Variants in VPS16 observed in about 807,000 individuals in gnomAD.
VPS16 encodes VPS16 core subunit of CORVET and HOPS complexes, also known as vacuolar protein sorting-associated protein 16 homolog.
Under a neutral mutation model 116.0 loss-of-function variants are expected in VPS16, and 82 were observed. The observed-to-expected ratio is 0.71, with a 90% CI of 0.59 to 0.85. The LOEUF (loss-of-function observed/expected upper bound fraction) is 0.85. Among genes scored for constraint, VPS16 ranks in the 40% least tolerant of loss-of-function variants. VPS16 has a pLI of 0.00. For missense variants in VPS16, 928 were observed against 1,090.6 expected, an observed-to-expected ratio of 0.85 and a Z score of 2.10; for synonymous variants, 406 against 420.7, an observed-to-expected ratio of 0.96 and a Z score of 0.43.
At chr20:2,861,553 C>G in intron 8 of VPS16, 62 bp from the exon 9 acceptor site, 2 of 1,525,678 alleles carry the variant, frequency 1.3e-6, no homozygotes, top group Non-Finnish European at 1.8e-6. Context: ...GGATTATGAG[C>G]AGCCATGTGG....
intron 1 of VPS16, among the ~76,000 whole-genome samples, chr20:2,844,142 G>A (rs1369292336): frequency 1.3e-5 from 2 of 152,154 alleles, no homozygotes; most frequent in Admixed American, 6.5e-5. Flanking sequence ...TTGGGGGCGG[G>A]CAGGTTAACA....
chr20:2,860,972 G>A lies in VPS16; in HGVS notation c.633G>A (p.Thr211=), dbSNP rs369717437. Residue 211 remains threonine (T), a splice_region_variant and synonymous_variant, in exon 7 of 24, where the codon ACG becomes ACA. Coordinates refer to ENST00000380445, the MANE Select transcript of VPS16 (RefSeq NM_022575.4). This position sits in a 1 kb window ranked among gnomAD's most constrained non-coding sequence, Gnocchi z 6.1. ...CCCCTACCCTGGCTCTGCCTCAGAC[G>A]CCCCCTGGCCTGGCCCCAGGAGTAA... ...LLDHAACSAV[T]PPGLAPGVSS... The A allele has an allele frequency of 1.7e-4, 276 of 1,613,994 alleles. No homozygotes were observed. The highest frequency in any genetic ancestry group is 2.2e-4 in the Non-Finnish European group (263 of 1,180,040).
intron 1 of VPS16, among the ~76,000 whole-genome samples, chr20:2,853,537 A>G (rs2089142346): frequency 6.6e-6 from 1 of 152,192 alleles, no homozygotes; most frequent in Admixed American, 6.5e-5. Flanking sequence ...TGCTATTTCC[A>G]CTGCATCTGC....
intron 11 of VPS16, 35 bp downstream of exon 11, chr20:2,862,165 G>A (rs941521248): frequency 1.2e-6 from 2 of 1,601,022 alleles, no homozygotes; most frequent in Admixed American, 1.7e-5. Flanking sequence ...GTCCCAGAAT[G>A]GTTCCTCCTG....
At chr20:2,846,540 A>G (rs1027307902) in intron 1 of VPS16, among the ~76,000 whole-genome samples, 2 of 152,214 alleles carry the variant, frequency 1.3e-5, no homozygotes, top group Non-Finnish European at 2.9e-5. Flanking sequence ...CCCAGCAACA[A>G]TGCCCAGGAG....
chr20:2,856,035 C>T (rs1440796499), intron 1 of VPS16, among the ~76,000 whole-genome samples: 6 of 152,204 alleles, frequency 3.9e-5, no homozygotes, highest in Non-Finnish European at 8.8e-5. Flanking sequence ...TAGCTTTTGT[C>T]CTGTCTTGGC....
intron 11 of VPS16, 63 bp downstream of exon 11, chr20:2,862,193 G>A: frequency 6.4e-7 from 1 of 1,555,214 alleles, no homozygotes; most frequent in African/African-American, 1.4e-5. Flanking sequence ...GTGGGCATGT[G>A]TGAGCATAGC....
At position 2,864,394 on chromosome 20, in the gene VPS16, G is replaced by A. The variant is rs2089290725; in HGVS notation, c.1750G>A (p.Glu584Lys). The change falls in exon 18 of 24, where the codon GAG (glutamate) becomes AAG (lysine). Residue 584 changes from glutamate (E) to lysine (K), a missense_variant. Glu to Lys is a moderately conservative substitution (Grantham distance 56). Transcript: ENST00000380445. This position sits in a 1 kb window ranked among gnomAD's most constrained non-coding sequence, Gnocchi z 5.2. Reference protein sequence around the residue: ...VFTVLLHLKNELNRGDFFMTL... With the variant: ...VFTVLLHLKNKLNRGDFFMTL... ...CACGGTGTTGCTGCACCTGAAGAAC[G>A]AGCTGAACCGAGGAGATTTTTTCAT... 3 of 1,614,164 alleles carry A rather than the reference G, an allele frequency of 1.9e-6. No homozygotes were observed. The highest frequency in any genetic ancestry group is 2.2e-5 in the South Asian group (2 of 91,070).
chr20:2,857,486 A>C, intron 1 of VPS16, among the ~76,000 whole-genome samples: 1 of 150,098 alleles, frequency 6.7e-6, no homozygotes, highest in East Asian at 1.9e-4. Context: ...AATTATTAGG[A>C]TCTCTTAAAA....
At chr20:2,858,242 A>G (rs2089194259) in intron 1 of VPS16, among the ~76,000 whole-genome samples, 1 of 151,962 alleles carries the variant, frequency 6.6e-6, no homozygotes, top group Non-Finnish European at 1.5e-5. Flanking sequence ...TGCTACTTGT[A>G]ACTACAGGCA....
intron 11 of VPS16, 200 bp from the exon 12 acceptor site, chr20:2,862,379 C>A (rs955751727): frequency 1.7e-6 from 2 of 1,202,244 alleles, no homozygotes; most frequent in African/African-American, 3.1e-5. Flanking sequence ...TCTCAAGGCC[C>A]CCCTAAAGGC....
chr20:2,855,232 A>G (rs2089161736), intron 1 of VPS16, among the ~76,000 whole-genome samples: 1 of 151,718 alleles, frequency 6.6e-6, no homozygotes, highest in African/African-American at 2.4e-5. Flanking sequence ...TGCTGGGATT[A>G]CAGGCATGAA....
intron 1 of VPS16, among the ~76,000 whole-genome samples, chr20:2,845,007 GGTGTGTGTGTGTGTGT>G (rs375923174): frequency 2.1e-5 from 3 of 144,014 alleles, no homozygotes; most frequent in Non-Finnish European, 3.0e-5. Context: ...ATTTGCAAGG[GGTGTGTGTGTGTGTGT>G]GTGTGTGTGT....
At position 2,859,705 on chromosome 20, in the gene VPS16, C is replaced by A; in HGVS notation, c.54-14C>A. On this transcript the variant is annotated splice_polypyrimidine_tract_variant and intron_variant, in intron 1 of 23. Transcript: ENST00000380445. ...GGTAATGAGGCTAATTTCTGCTCAT[C>A]TCTGTGTGGGCAGGAAATATGAGCT... 6.2e-7 allele frequency: 1 copy of A among 1,612,956 alleles called. No individual in the cohort carries two copies. Among genetic ancestry groups the A allele is most frequent in the Non-Finnish European group, 8.5e-7 (1 of 1,179,456 alleles).
At chr20:2,847,779 G>A (rs1459654499) in intron 1 of VPS16, among the ~76,000 whole-genome samples, 2 of 151,480 alleles carry the variant, frequency 1.3e-5, no homozygotes, top group South Asian at 2.1e-4. Flanking sequence ...ACCCAGCCCC[G>A]CCCCCTCTCT....
At chr20:2,855,844 A>G (rs879096530) in intron 1 of VPS16, among the ~76,000 whole-genome samples, 4 of 152,374 alleles carry the variant, frequency 2.6e-5, no homozygotes, top group South Asian at 2.1e-4. Context: ...CTTGCTCTGA[A>G]TTAGGCTTTG....
chr20:2,842,468 A>T (rs1010210526), intron 1 of VPS16, among the ~76,000 whole-genome samples: 2 of 152,114 alleles, frequency 1.3e-5, no homozygotes, highest in South Asian at 2.1e-4. Context: ...TTAGCCAGGC[A>T]TAATGGCAGG....
chr20:2,843,062 A>G (rs1055297144), intron 1 of VPS16, among the ~76,000 whole-genome samples: 3 of 152,186 alleles, frequency 2.0e-5, no homozygotes, highest in Non-Finnish European at 4.4e-5. Flanking sequence ...TATACTTCCT[A>G]GATGGACAAG....
Position 2,866,447 on chromosome 20 carries a change from C to T in VPS16, c.2393C>T (p.Ala798Val), listed in dbSNP as rs755997321. 1.2e-6 allele frequency: 2 copies of T among 1,614,040 alleles called. No homozygotes were observed. The highest frequency in any genetic ancestry group is 2.7e-5 in the African/African-American group (2 of 74,918). ...AACCACAGCGATGTGGCTCAGGCTG[C>T]AGATGTGGCCATCGAACACCGGAAT... is the stretch of plus-strand genomic sequence containing the variant. The part of the protein sequence containing the change: ...LLLVGDVAQA[A>V]DVAIEHRNEA... The change falls in exon 24 of 24, where the codon GCA becomes GTA. Residue 798 changes from alanine to valine, a missense_variant. Transcript: ENST00000380445.
Sources: gnomAD v4.1 joint callset for allele counts (sites outside exome capture counted in the v4.1 genomes callset) on GRCh38, gnomAD v4.1.1 for gene constraint, Gnocchi (gnomAD v3.1) non-coding constraint, MANE v1.5 for transcripts, NCBI Gene and HGNC (gene_info 2026-07-23, HGNC 2026-07-21) for gene names.